COL22A1: variants seen among roughly 807,000 people sequenced by gnomAD.
The protein encoded by COL22A1 is collagen alpha-1(XXII) chain.
Under a neutral mutation model 248.9 loss-of-function variants are expected in COL22A1, and 221 were observed. The ratio of observed to expected loss-of-function variants is 0.89; its 90% CI spans 0.80 to 0.99. The LOEUF (loss-of-function observed/expected upper bound fraction) is 0.99. Ranked by LOEUF, COL22A1 falls within the 50% of genes least tolerant of loss-of-function variation. COL22A1 has a pLI of 0.00. For missense variants in COL22A1, 2,240 were observed against 2,179.0 expected (o/e 1.03, Z -0.56); for synonymous variants, 891 against 793.4 (o/e 1.12, Z -2.07).
intron 37 of COL22A1, among the ~76,000 whole-genome samples, chr8:138,686,459 A>T (rs1417754006): frequency 6.6e-6 from 1 of 152,232 alleles, no homozygotes; most frequent in African/African-American, 2.4e-5. Context: ...AGGTAAGGTA[A>T]GATGAGCCAA....
chr8:138,630,865 C>T (rs1587715866), intron 49 of COL22A1, 117 bp from the exon 50 acceptor site: 1 of 901,526 alleles, frequency 1.1e-6, no homozygotes, highest in South Asian at 1.3e-5. Context: ...CTCCAAATCT[C>T]ATGTTGAAAT....
chr8:138,615,959 C>A, intron 55 of COL22A1, 42 bp downstream of exon 55: 1 of 1,518,050 alleles, frequency 6.6e-7, no homozygotes, highest in South Asian at 1.1e-5. Flanking sequence ...ATACACCCAC[C>A]CCCAGCCCCA....
chr8:138,625,892 A>G (rs561039107), intron 51 of COL22A1, among the ~76,000 whole-genome samples: 49 of 152,342 alleles, frequency 3.2e-4, no homozygotes, highest in Admixed American at 1.0e-3. Flanking sequence ...CAATATAAAC[A>G]TATATATACA....
intron 64 of COL22A1, among the ~76,000 whole-genome samples, chr8:138,590,265 A>AAAAG: frequency 6.6e-6 from 1 of 152,204 alleles, no homozygotes; most frequent in African/African-American, 2.4e-5. Context: ...TAAACTTTTT[A>AAAAG]CTTAAAAAGA....
chr8:138,679,668 G>T lies in COL22A1; in HGVS notation c.3021C>A (p.Cys1007Ter), dbSNP rs376513266. The change falls in exon 40 of 65, where the codon TGC (cysteine) becomes TGA (stop). Residue 1007 changes from cysteine to a stop codon, truncating the protein, a stop_gained. Transcript: ENST00000303045. LOFTEE classifies it high-confidence loss of function. Reference protein sequence around the residue: ...LPGPLGTKAACGKVRGSENCA... With the variant: ...LPGPLGTKAA The stretch of plus-strand genomic sequence containing the variant: ...AGTTTTCTGACCCTCTGACTTTTCC[G>T]CAAGCAGCCTGAAAGTAGAAAATCT... 3.7e-6 allele frequency: 6 copies of T among 1,613,634 alleles called. No homozygotes were observed. The highest frequency in any genetic ancestry group is 3.3e-5 in the South Asian group (3 of 91,072).
At chr8:138,829,401 C>CTTTTTTTTTTT (rs1483155408) in intron 5 of COL22A1, among the ~76,000 whole-genome samples, 2 of 82,252 alleles carry the variant, frequency 2.4e-5, no homozygotes, top group Admixed American at 1.5e-4. Context: ...CCTTCCTTTC[C>CTTTTTTTTTTT]TGTTTTTTTT....
intron 61 of COL22A1, among the ~76,000 whole-genome samples, chr8:138,597,978 C>T (rs970021086): frequency 1.3e-5 from 2 of 152,104 alleles, no homozygotes; most frequent in African/African-American, 4.8e-5. Context: ...TCAGAAGTGG[C>T]AGGGACATGG....
At chr8:138,646,945 C>T (rs1564139253) in intron 46 of COL22A1, among the ~76,000 whole-genome samples, 1 of 152,152 alleles carries the variant, frequency 6.6e-6, no homozygotes, top group Non-Finnish European at 1.5e-5. Flanking sequence ...CCCCTGCCTC[C>T]CATATTTGCA....
rs1307467549 is a variant in COL22A1, at chr8:138,726,743, G to T, written c.2140-1303C>A. Reference sequence around the variant, plus strand: ...GCTGCTGTTGAAGGTATTGCGTTTTGAATGACAGCCAACAGTTCCACATGA... The same window carrying T: ...GCTGCTGTTGAAGGTATTGCGTTTTTAATGACAGCCAACAGTTCCACATGA... On this transcript the variant is annotated intron_variant, in intron 23 of 64. Coordinates refer to ENST00000303045, the MANE Select transcript of COL22A1 (RefSeq NM_152888.3). Among the ~76,000 whole-genome samples the T allele has an allele frequency of 2.0e-5, 3 of 152,322 alleles. No homozygotes were observed. In the East Asian group the frequency reaches 5.8e-4, roughly 29 times the overall value.
chr8:138,726,727 G>A (rs545920965), intron 23 of COL22A1, among the ~76,000 whole-genome samples: 2 of 152,302 alleles, frequency 1.3e-5, no homozygotes, highest in South Asian at 4.2e-4. Context: ...GGCTGCTGTT[G>A]AAGGTATTGC....
chr8:138,678,552 T>C (rs1413896881), intron 40 of COL22A1, among the ~76,000 whole-genome samples: 1 of 145,934 alleles, frequency 6.9e-6, no homozygotes, highest in Non-Finnish European at 1.5e-5. Flanking sequence ...CTAGTTTCTA[T>C]GGGGTGGTTG....
chr8:138,740,761 G>T (rs1339851520), intron 22 of COL22A1, among the ~76,000 whole-genome samples: 2 of 152,184 alleles, frequency 1.3e-5, no homozygotes, highest in African/African-American at 4.8e-5. Context: ...AGAAAGAAAA[G>T]TGTCAGAGCA....
chr8:138,790,013 A>T lies in COL22A1; in HGVS notation c.1596+6806T>A, dbSNP rs572304595. ...CATCTTATGCCTTCAGGGAGAACTT[A>T]AAAAAATCAAAAGTGTGTGTGCCAT... On this transcript the variant is annotated intron_variant, in intron 12 of 64. Coordinates refer to ENST00000303045, the MANE Select transcript of COL22A1 (RefSeq NM_152888.3). Among the ~76,000 whole-genome samples the T allele has an allele frequency of 3.3e-5, 5 of 152,310 alleles. No individual in the cohort carries two copies. In the South Asian group the frequency reaches 1.0e-3, roughly 32 times the overall value.
intron 1 of COL22A1, among the ~76,000 whole-genome samples, chr8:138,910,063 C>T (rs1006673816): frequency 6.6e-6 from 1 of 152,176 alleles, no homozygotes; most frequent in African/African-American, 2.4e-5. Context: ...AGAAGCAATA[C>T]AAAACGAAAC....
chr8:138,891,215 A>G (rs182128279), intron 1 of COL22A1, among the ~76,000 whole-genome samples: 32 of 152,358 alleles, frequency 2.1e-4, no homozygotes, highest in East Asian at 1.5e-3. Context: ...ATAAGAAGAA[A>G]GATATCTCAT....
chr8:138,836,289 A>C (rs181775162), intron 4 of COL22A1, among the ~76,000 whole-genome samples: 3 of 152,108 alleles, frequency 2.0e-5, no homozygotes, highest in Admixed American at 1.3e-4. Flanking sequence ...AGAAGAAAAG[A>C]AAAGGAAAGG....
chr8:138,802,120 T>C (rs986605951), intron 11 of COL22A1, among the ~76,000 whole-genome samples: 1 of 152,124 alleles, frequency 6.6e-6, no homozygotes, highest in Non-Finnish European at 1.5e-5. Flanking sequence ...GAATACGTTA[T>C]TTTATTATCC....
chr8:138,610,208 G>A (rs376222120), intron 56 of COL22A1, among the ~76,000 whole-genome samples: 1 of 152,204 alleles, frequency 6.6e-6, no homozygotes, highest in African/African-American at 2.4e-5. Context: ...GTCTCACAGG[G>A]TTTGGGGAGA....
intron 40 of COL22A1, among the ~76,000 whole-genome samples, chr8:138,679,081 T>G (rs533268210): frequency 6.6e-6 from 1 of 152,092 alleles, no homozygotes; most frequent in Non-Finnish European, 1.5e-5. Flanking sequence ...CACACCTGCC[T>G]AATTTTTGAC....
Sources: allele counts gnomAD v4.1 joint callset (sites outside exome capture counted in the v4.1 genomes callset), GRCh38; gene constraint gnomAD v4.1.1; transcripts MANE v1.5; gene names NCBI Gene and HGNC (gene_info 2026-07-23, HGNC 2026-07-21).